The following IFNAR1 variants were observed in gnomAD, a reference collection of about 807,000 sequenced individuals.
IFNAR1 encodes interferon alpha/beta receptor 1.
Under a neutral mutation model 62.1 loss-of-function variants are expected in IFNAR1, and 47 were observed. The observed-to-expected ratio is 0.76, with a 90% CI of 0.60 to 0.97. The LOEUF (loss-of-function observed/expected upper bound fraction) is 0.97, where lower values mean the gene tolerates loss of function less well. Ranked by LOEUF, IFNAR1 falls within the 50% of genes least tolerant of loss-of-function variation. The pLI is 0.00. For missense variants in IFNAR1, 638 were observed against 654.5 expected (o/e 0.97, Z 0.27); for synonymous variants, 219 against 226.9 (o/e 0.97, Z 0.31).
At chr21:33,348,802 C>CA (rs997360056) in intron 6 of IFNAR1, among the ~76,000 whole-genome samples, 58 of 148,872 alleles carry the variant, frequency 3.9e-4, no homozygotes, top group Non-Finnish European at 4.9e-4. Context: ...GACTCGGTCT[C>CA]AAAAAAAAAG....
rs2083469414 is a variant in IFNAR1 at position 33,358,405 on chromosome 21, C to A, written c.*2856C>A. 6.6e-6 allele frequency: 1 copy of A among 151,976 alleles called. No homozygotes were observed. Among genetic ancestry groups the A allele is most frequent in the Non-Finnish European group, 1.5e-5 (1 of 68,008 alleles). The allele number at this position is 151,976 out of a possible 1,614,324, so 9.4% of individuals were successfully genotyped here. A position where few individuals can be genotyped will look rare whatever the true frequency, so the allele number is the denominator to read the frequency against. On this transcript the variant is annotated 3_prime_UTR_variant, in exon 11 of 11. Transcript: ENST00000270139. ...AGTTCTTAGAGAGACCAGATATAATCTAAGAATTTATATGAAAGATTTGTA... is the reference window on the plus strand; with the variant it reads ...AGTTCTTAGAGAGACCAGATATAATATAAGAATTTATATGAAAGATTTGTA...
chr21:33,344,568 A>G (rs1782630413), intron 5 of IFNAR1, among the ~76,000 whole-genome samples: 2 of 152,038 alleles, frequency 1.3e-5, no homozygotes, highest in Admixed American at 6.6e-5. Flanking sequence ...AACTTTTTTC[A>G]GGATTTATGT....
intron 2 of IFNAR1, 79 bp from the exon 3 acceptor site, chr21:33,340,920 T>TA (rs1328896988): frequency 4.5e-6 from 4 of 895,650 alleles, no homozygotes; most frequent in Non-Finnish European, 7.1e-6. Flanking sequence ...AAATAACTCT[T>TA]ATACCAGTAA....
chr21:33,332,148 C>T (rs1350238207), intron 1 of IFNAR1, among the ~76,000 whole-genome samples: 1 of 152,174 alleles, frequency 6.6e-6, no homozygotes. Context: ...GTTGCCTTGG[C>T]TGAGTCTCCC....
intron 8 of IFNAR1, 114 bp from the exon 9 acceptor site, chr21:33,352,644 C>T: frequency 1.8e-6 from 1 of 543,226 alleles, no homozygotes; most frequent in South Asian, 3.3e-5. Context: ...AAAATACATA[C>T]CAACTACGTG....
intron 1 of IFNAR1, among the ~76,000 whole-genome samples, chr21:33,331,136 T>G (rs2083175516): frequency 6.6e-6 from 1 of 152,178 alleles, no homozygotes; most frequent in Non-Finnish European, 1.5e-5. Flanking sequence ...TGTTACACCC[T>G]TCCCTGTGGA....
intron 3 of IFNAR1, among the ~76,000 whole-genome samples, chr21:33,342,014 A>G (rs1335808274): frequency 5.3e-5 from 8 of 152,228 alleles, no homozygotes; most frequent in Non-Finnish European, 2.9e-5. Flanking sequence ...ATTAGTTAAA[A>G]TGGATTGAAA....
chr21:33,341,983 T>C (rs1225366419), intron 3 of IFNAR1, among the ~76,000 whole-genome samples: 3 of 152,174 alleles, frequency 2.0e-5, no homozygotes, highest in Non-Finnish European at 4.4e-5. Context: ...GCCCAGTCCA[T>C]TGTTATTTCT....
At chr21:33,352,965 C>A in intron 9 of IFNAR1, 57 bp downstream of exon 9, 4 of 1,190,078 alleles carry the variant, frequency 3.4e-6, no homozygotes, top group Non-Finnish European at 4.6e-6. Context: ...AAAAGTAATT[C>A]TATACTGTAC....
intron 1 of IFNAR1, among the ~76,000 whole-genome samples, chr21:33,327,316 T>C (rs943001576): frequency 6.6e-6 from 1 of 152,198 alleles, no homozygotes; most frequent in African/African-American, 2.4e-5. Context: ...TGGCAAGATA[T>C]AATTTATAGG....
At chr21:33,333,640 T>TTTTTTTTTTTTTTTTTTTG (rs1251877707) in intron 1 of IFNAR1, among the ~76,000 whole-genome samples, 1 of 147,706 alleles carries the variant, frequency 6.8e-6, no homozygotes. Context: ...TTTTTTTTTT[T>TTTTTTTTTTTTTTTTTTTG]TGAGACGGAG....
chr21:33,352,179 G>A (rs2083404446), intron 8 of IFNAR1, among the ~76,000 whole-genome samples: 1 of 152,036 alleles, frequency 6.6e-6, no homozygotes, highest in Admixed American at 6.6e-5. Flanking sequence ...TCACTAATCA[G>A]AGGTAATACA....
At chr21:33,345,728 T>C (rs1227454155) in intron 6 of IFNAR1, among the ~76,000 whole-genome samples, 1 of 152,264 alleles carries the variant, frequency 6.6e-6, no homozygotes, top group Non-Finnish European at 1.5e-5. Context: ...ACTTCTTCCA[T>C]GAGTCCTTAA....
At chr21:33,333,826 T>G (rs1170324870) in intron 1 of IFNAR1, among the ~76,000 whole-genome samples, 1 of 151,946 alleles carries the variant, frequency 6.6e-6, no homozygotes, top group African/African-American at 2.4e-5. Context: ...GGTTTCACCG[T>G]GTTAGCCAGG....
intron 3 of IFNAR1, among the ~76,000 whole-genome samples, chr21:33,342,592 C>T (rs1272706698): frequency 6.6e-6 from 1 of 151,876 alleles, no homozygotes; most frequent in Non-Finnish European, 1.5e-5. Flanking sequence ...CGCCTGTAAT[C>T]CCAGCACTTT....
At chr21:33,344,480 GTCT>G (rs1426909028) in intron 5 of IFNAR1, among the ~76,000 whole-genome samples, 2 of 151,828 alleles carry the variant, frequency 1.3e-5, no homozygotes, top group African/African-American at 4.8e-5. Flanking sequence ...TTAAAGTGAA[GTCT>G]TCTTCTCCCT....
chr21:33,327,772 C>G (rs17875764), intron 1 of IFNAR1, among the ~76,000 whole-genome samples: 2,509 of 152,210 alleles, frequency 0.016, 79 homozygotes, highest in African/African-American at 0.058. Context: ...CCAAGGTGGT[C>G]AAGGTCCAGC....
At position 33,341,085 on chromosome 21, in the gene IFNAR1, T is replaced by G. The variant is rs977515846; in HGVS notation, c.287T>G (p.Val96Gly). ...AACTTTTCTTCACTCAAGCTGAATGTTTATGAAGAAATTAAATTGCGTATA... is the reference window on the plus strand; with the variant it reads ...AACTTTTCTTCACTCAAGCTGAATGGTTATGAAGAAATTAAATTGCGTATA... ...KCNFSSLKLN[V>G]YEEIKLRIRA... The change falls in exon 3 of 11, where the codon GTT (valine) becomes GGT (glycine). Residue 96 changes from valine to glycine, a missense_variant. Transcript: ENST00000270139. 6.2e-6 allele frequency: 10 copies of G among 1,612,912 alleles called. No individual in the cohort carries two copies. The highest frequency in any genetic ancestry group is 7.6e-6 in the Non-Finnish European group (9 of 1,179,138).
In IFNAR1 at chr21:33,343,633, G is replaced by C; in HGVS notation, c.630G>C (p.Trp210Cys). The change falls in exon 5 of 11, where the codon TGG becomes TGC. Residue 210 changes from tryptophan (W) to cysteine (C), a missense_variant. By Grantham distance (215) the Trp-to-Cys change is radical. Transcript: ENST00000270139. ...TTAAAGCAGCACTACTTACGTCATG[G>C]AAAATTGGTGTCTATAGTCCAGTAC... Reference protein sequence around the residue: ...LKVKAALLTSWKIGVYSPVHC... With the variant: ...LKVKAALLTSCKIGVYSPVHC... The C allele has an allele frequency of 6.2e-7, 1 of 1,609,118 alleles. No individual in the cohort carries two copies.
Sources: gnomAD v4.1 joint callset for allele counts (sites outside exome capture counted in the v4.1 genomes callset) on GRCh38, gnomAD v4.1.1 for gene constraint, MANE v1.5 for transcripts, NCBI Gene and HGNC (gene_info 2026-07-23, HGNC 2026-07-21) for gene names.